EHD4: variants seen among roughly 807,000 people sequenced by gnomAD.
The protein encoded by EHD4 is EH domain-containing protein 4.
A neutral mutation model predicts 51.0 loss-of-function variants in EHD4; 37 were observed. That is an observed-to-expected ratio of 0.73 (90% confidence interval 0.56 to 0.95). EHD4 has a LOEUF of 0.95. EHD4 is among the 40% of genes least tolerant of loss of function. The pLI, the probability that EHD4 is intolerant of heterozygous loss-of-function variation, is 0.00. For missense variants in EHD4, 632 were observed against 733.1 expected (o/e 0.86, Z 1.59); for synonymous variants, 297 against 317.3 (o/e 0.94, Z 0.68).
intron 5 of EHD4, among the ~76,000 whole-genome samples, chr15:41,909,327 G>A (rs1185326699): frequency 6.6e-6 from 1 of 152,222 alleles, no homozygotes; most frequent in African/African-American, 2.4e-5. Flanking sequence ...AGGCAGGTCA[G>A]GGCAGGGCTG....
At chr15:41,942,929 T>C in intron 3 of EHD4, 138 bp downstream of exon 3, 1 of 690,124 alleles carries the variant, frequency 1.4e-6, no homozygotes, top group South Asian at 1.7e-5. Context: ...AACTCCTGGT[T>C]GACACTTGGG....
chr15:41,903,671 A>C (rs2067493846), intron 5 of EHD4, among the ~76,000 whole-genome samples: 3 of 152,118 alleles, frequency 2.0e-5, no homozygotes, highest in Non-Finnish European at 2.9e-5. Flanking sequence ...GAGAATCAAA[A>C]TCATGGTCTC....
intron 3 of EHD4, among the ~76,000 whole-genome samples, chr15:41,932,182 T>C (rs961234316): frequency 1.3e-5 from 2 of 152,154 alleles, no homozygotes; most frequent in Non-Finnish European, 2.9e-5. Context: ...TCTATCTATA[T>C]GATGGACTGC....
intron 5 of EHD4, among the ~76,000 whole-genome samples, chr15:41,906,755 C>T (rs151335463): frequency 6.0e-4 from 92 of 152,370 alleles, no homozygotes; most frequent in Admixed American, 1.8e-3. Flanking sequence ...GGCACTGCCA[C>T]GTTCCCCTTG....
In EHD4 at chr15:41,909,720, G is replaced by T. The variant is rs139710378; in HGVS notation, c.1068C>A (p.Phe356Leu). 1.5e-5 allele frequency: 24 copies of T among 1,614,070 alleles called. No homozygotes were observed. The African/African-American group carries it at 2.9e-4, about 20-fold the overall frequency. The part of the protein sequence containing the change: ...QREYQISAGD[F>L]PEVKAMQEQL... ...GTACCTGCATAGCCTTGACCTCAGG[G>T]AAGTCCCCTGCAGAAATCTGGTATT... The change falls in exon 5 of 6, where the codon TTC becomes TTA. Residue 356 changes from phenylalanine (F) to leucine (L), a missense_variant. Coordinates refer to ENST00000220325, the MANE Select transcript of EHD4 (RefSeq NM_139265.4).
At chr15:41,964,490 C>G (rs980435960) in intron 1 of EHD4, among the ~76,000 whole-genome samples, 1 of 151,876 alleles carries the variant, frequency 6.6e-6, no homozygotes, top group Non-Finnish European at 1.5e-5. Context: ...CCTGTAGTCC[C>G]AGCTACTCCA....
At chr15:41,960,407 T>C (rs1175780391) in intron 1 of EHD4, among the ~76,000 whole-genome samples, 1 of 152,194 alleles carries the variant, frequency 6.6e-6, no homozygotes, top group African/African-American at 2.4e-5. Context: ...AGTTAAACAA[T>C]TTTGCATCTT....
intron 1 of EHD4, among the ~76,000 whole-genome samples, chr15:41,968,164 C>T (rs1263116201): frequency 3.3e-5 from 5 of 152,198 alleles, no homozygotes; most frequent in African/African-American, 1.2e-4. Flanking sequence ...TTTACCTTCT[C>T]AGCCCACTCC....
chr15:41,943,117 A>T lies in EHD4; in HGVS notation c.461T>A (p.Val154Asp), dbSNP rs757185187. 2.5e-6 allele frequency: 4 copies of T among 1,594,382 alleles called. No homozygotes were observed. In the South Asian group the frequency reaches 3.4e-5, roughly 14 times the overall value. ...AGAAAGGATGCCGGGGCTGTCGATG[A>T]CGCTGATGCTCTTCAGGACCTGATT... ...LPNQVLKSIS[V>D]IDSPGILSGE... Residue 154 changes from valine to aspartate, a missense_variant, in exon 3 of 6, where the codon GTC becomes GAC. Coordinates refer to ENST00000220325, the MANE Select transcript of EHD4 (RefSeq NM_139265.4).
At chr15:41,960,767 G>A (rs994596655) in intron 1 of EHD4, among the ~76,000 whole-genome samples, 1 of 149,266 alleles carries the variant, frequency 6.7e-6, no homozygotes, top group Non-Finnish European at 1.5e-5. Flanking sequence ...TCTGCCTCCT[G>A]GGTTCAAGTG....
At chr15:41,920,417 A>C (rs1278144253) in intron 3 of EHD4, among the ~76,000 whole-genome samples, 1 of 152,202 alleles carries the variant, frequency 6.6e-6, no homozygotes, top group Non-Finnish European at 1.5e-5. Flanking sequence ...TCCCACGAAA[A>C]GCAAACAAGA....
intron 2 of EHD4, among the ~76,000 whole-genome samples, chr15:41,953,072 C>A (rs893758820): frequency 1.3e-5 from 2 of 151,212 alleles, no homozygotes; most frequent in African/African-American, 2.4e-5. Flanking sequence ...GTTTCCCTGG[C>A]CCTGCTCTGA....
chr15:41,943,270 G>C lies in EHD4; in HGVS notation c.414-106C>G. The C allele has an allele frequency of 1.6e-5, 13 of 812,432 alleles. No individual in the cohort carries two copies. The South Asian group carries it at 2.1e-4, about 13-fold the overall frequency. The allele number at this position is 812,432 out of a possible 1,614,324, so 50.3% of individuals were successfully genotyped here. ...GGCTTACTGACATCTGTAAAGTGGGGGCCTGAAGGAGACTGACAGAAACTG... is the reference window on the plus strand; with the variant it reads ...GGCTTACTGACATCTGTAAAGTGGGCGCCTGAAGGAGACTGACAGAAACTG... On this transcript the variant is annotated intron_variant, in intron 2 of 5. Transcript: ENST00000220325.
At chr15:41,948,141 C>G (rs567836563) in intron 2 of EHD4, among the ~76,000 whole-genome samples, 10 of 152,174 alleles carry the variant, frequency 6.6e-5, no homozygotes, top group South Asian at 2.1e-4. Context: ...GTAATCACAG[C>G]TACTCGGGAG....
At position 41,954,073 on chromosome 15, in the gene EHD4, C is replaced by T. The variant is rs537176219; in HGVS notation, c.237-133G>A. Reference sequence around the variant, plus strand: ...AAACATAACCCCCAAGAAAAGCACGCAATCCTCCTCTGCATTTCTGTTGAT... The same window carrying T: ...AAACATAACCCCCAAGAAAAGCACGTAATCCTCCTCTGCATTTCTGTTGAT... On this transcript the variant is annotated intron_variant, in intron 1 of 5. Coordinates refer to ENST00000220325, the MANE Select transcript of EHD4 (RefSeq NM_139265.4). 6.4e-5 allele frequency: 61 copies of T among 948,082 alleles called. No individual in the cohort carries two copies. The African/African-American group carries it at 6.9e-4, about 11-fold the overall frequency. The allele number at this position is 948,082 out of a possible 1,614,324, so 58.7% of individuals were successfully genotyped here.
intron 5 of EHD4, among the ~76,000 whole-genome samples, chr15:41,905,336 T>C (rs1012869883): frequency 1.3e-5 from 2 of 152,200 alleles, no homozygotes; most frequent in Non-Finnish European, 2.9e-5. Context: ...CTGCAGCTTC[T>C]AGGGGTTGGC....
At chr15:41,915,224 GA>G (rs1350187391) in intron 4 of EHD4, among the ~76,000 whole-genome samples, 2 of 152,192 alleles carry the variant, frequency 1.3e-5, no homozygotes, top group Admixed American at 6.5e-5. Flanking sequence ...TTAGCCTAGA[GA>G]AAAACTGTCA....
chr15:41,933,182 TC>T (rs1473770573), intron 3 of EHD4, among the ~76,000 whole-genome samples: 2 of 152,206 alleles, frequency 1.3e-5, no homozygotes, highest in Non-Finnish European at 2.9e-5. Flanking sequence ...ATACAGATGC[TC>T]CCTGAAAGCC....
chr15:41,913,819 T>A (rs1022473661), intron 4 of EHD4, among the ~76,000 whole-genome samples: 2 of 152,234 alleles, frequency 1.3e-5, no homozygotes, highest in Non-Finnish European at 2.9e-5. Flanking sequence ...AACATTCGTA[T>A]CTTGTTCAAG....
Sources: allele counts gnomAD v4.1 joint callset (sites outside exome capture counted in the v4.1 genomes callset), GRCh38; gene constraint gnomAD v4.1.1; transcripts MANE v1.5; gene names NCBI Gene and HGNC (gene_info 2026-07-23, HGNC 2026-07-21).